Variants in EFR3B observed in about 807,000 individuals in gnomAD.
EFR3B encodes EFR3 homolog B, also known as protein EFR3 homolog B.
Under a neutral mutation model 104.7 loss-of-function variants are expected in EFR3B, and 64 were observed. The observed-to-expected ratio is 0.61, with a 90% CI of 0.50 to 0.75. The LOEUF (loss-of-function observed/expected upper bound fraction) is 0.75, where lower values mean the gene tolerates loss of function less well. Ranked by LOEUF, EFR3B falls within the 30% of genes least tolerant of loss-of-function variation. EFR3B has a pLI of 0.00. For synonymous variants in EFR3B, 385 were observed against 417.9 expected, an observed-to-expected ratio of 0.92 and a Z score of 0.96; for missense variants, 750 against 1,078.5, an observed-to-expected ratio of 0.70 and a Z score of 4.27.
chr2:25,064,466 C>T (rs1668278753), intron 1 of EFR3B, among the ~76,000 whole-genome samples: 1 of 152,190 alleles, frequency 6.6e-6, no homozygotes, highest in South Asian at 2.1e-4. Flanking sequence ...CTGCTGACCA[C>T]AATAGGAAAC....
intron 16 of EFR3B, among the ~76,000 whole-genome samples, chr2:25,140,778 C>A (rs1025799155): frequency 2.0e-5 from 3 of 152,100 alleles, no homozygotes; most frequent in African/African-American, 7.2e-5. Context: ...TGCAGCGGCT[C>A]AGCCTTAATC....
chr2:25,151,970 A>T lies in EFR3B; in HGVS notation c.2248A>T (p.Lys750Ter). ...ERERRRQVVE[K>*]FQKAPFEEIA... Reference sequence around the variant, plus strand: ...TGAGCGGCGGCGGCAGGTGGTGGAGAAGTTCCAGAAGGCACCCTTCGAGGA... The same window carrying T: ...TGAGCGGCGGCGGCAGGTGGTGGAGTAGTTCCAGAAGGCACCCTTCGAGGA... The change falls in exon 21 of 23, where the codon AAG becomes TAG. Residue 750 changes from lysine (K) to a stop codon, truncating the protein, a stop_gained. Coordinates refer to ENST00000403714, the MANE Select transcript of EFR3B (RefSeq NM_014971.2). LOFTEE classifies it high-confidence loss of function. The T allele has an allele frequency of 6.4e-7, 1 of 1,551,656 alleles. No homozygotes were observed. Among genetic ancestry groups the T allele is most frequent in the Non-Finnish European group, 8.7e-7 (1 of 1,146,982 alleles).
At chr2:25,096,773 CTGGTCT>C (rs1669290088) in intron 3 of EFR3B, among the ~76,000 whole-genome samples, 1 of 152,174 alleles carries the variant, frequency 6.6e-6, no homozygotes, top group Admixed American at 6.6e-5. Context: ...GAAGACGGAG[CTGGTCT>C]TGAACTACAG....
intron 3 of EFR3B, among the ~76,000 whole-genome samples, chr2:25,094,707 A>G (rs1669229916): frequency 6.6e-6 from 1 of 152,218 alleles, no homozygotes; most frequent in Admixed American, 6.5e-5. Flanking sequence ...CAAGAGCTTT[A>G]AAAACACTTA....
At chr2:25,077,807 A>G (rs1273263709) in intron 1 of EFR3B, among the ~76,000 whole-genome samples, 1 of 152,220 alleles carries the variant, frequency 6.6e-6, no homozygotes, top group African/African-American at 2.4e-5. Context: ...TTATAAATTT[A>G]TACCCATGAG....
chr2:25,103,025 C>A (rs776768913), intron 3 of EFR3B, among the ~76,000 whole-genome samples: 1 of 152,198 alleles, frequency 6.6e-6, no homozygotes, highest in Non-Finnish European at 1.5e-5. Flanking sequence ...GGTCCTCAGG[C>A]CTGTCTCAGA....
At position 25,103,724 on chromosome 2, in the gene EFR3B, C is replaced by T. The variant is rs531813494; in HGVS notation, c.300C>T (p.Leu100=). 1.1e-5 allele frequency: 17 copies of T among 1,551,722 alleles called. No homozygotes were observed. In the Middle Eastern group the frequency reaches 6.7e-4, roughly 61 times the overall value. ...QSINLFVESF[L]KMVAKLLESE... ...TCAACCTCTTCGTGGAGAGCTTCCTCAAGATGGTGGCCAAGCTGCTGGAGT... is the reference window on the plus strand; with the variant it reads ...TCAACCTCTTCGTGGAGAGCTTCCTTAAGATGGTGGCCAAGCTGCTGGAGT... Residue 100 remains leucine (L), a synonymous_variant, in exon 4 of 23, where the codon CTC becomes CTT. Transcript: ENST00000403714.
At chr2:25,077,909 T>C (rs1273203604) in intron 1 of EFR3B, among the ~76,000 whole-genome samples, 1 of 151,908 alleles carries the variant, frequency 6.6e-6, no homozygotes, top group African/African-American at 2.4e-5. Context: ...CATTGGAGGG[T>C]TGTTGATTTT....
chr2:25,118,755 A>AAAAAAAAC (rs1669934509), intron 4 of EFR3B, among the ~76,000 whole-genome samples: 1 of 148,772 alleles, frequency 6.7e-6, no homozygotes, highest in Non-Finnish European at 1.5e-5. Context: ...AAAAAAAAAA[A>AAAAAAAAC]AAAGGCAGGG....
In EFR3B at chr2:25,121,655, C is replaced by G. The variant is rs1307081445; in HGVS notation, c.364-18C>G. On this transcript the variant is annotated intron_variant, in intron 4 of 22. Transcript: ENST00000403714. ...TGGGTCACCTCTCTCGTGTGTTTCTCTCCTTCCTCCCTGATAGTTTGTGAA... is the reference window on the plus strand; with the variant it reads ...TGGGTCACCTCTCTCGTGTGTTTCTGTCCTTCCTCCCTGATAGTTTGTGAA... 2 of 1,551,658 alleles carry G rather than the reference C, an allele frequency of 1.3e-6. No individual in the cohort carries two copies. Among genetic ancestry groups the G allele is most frequent in the East Asian group, 2.4e-5 (1 of 40,920 alleles).
Position 25,137,274 on chromosome 2 carries a change from C to T in EFR3B, c.1561-67C>T, listed in dbSNP as rs781038797. ...GCCCCCCTTCAGATTGGTCTTCCTC[C>T]GTGTTCTCCTTGCCCCTCCTGTCCC... On this transcript the variant is annotated intron_variant, in intron 14 of 22. Transcript: ENST00000403714. This position sits in a 1 kb window ranked among gnomAD's most constrained non-coding sequence, Gnocchi z 4.7. 5.4e-5 allele frequency: 82 copies of T among 1,521,490 alleles called. No individual in the cohort carries two copies. The highest frequency in any genetic ancestry group is 7.0e-5 in the Non-Finnish European group (79 of 1,126,748). The allele number at this position is 1,521,490 out of a possible 1,614,324, so 94.2% of individuals were successfully genotyped here.
In EFR3B at chr2:25,121,795, G is replaced by A. The variant is rs1435707571; in HGVS notation, c.485+1G>A. On this transcript the variant is annotated splice_donor_variant, in intron 5 of 22. Transcript: ENST00000403714. LOFTEE classifies it high-confidence loss of function. Reference sequence around the variant, plus strand: ...ATGATGACTTAGAAATCAAGACCAAGTGAGTAGGGGAAGGCAAGGGTAGTT... The same window carrying A: ...ATGATGACTTAGAAATCAAGACCAAATGAGTAGGGGAAGGCAAGGGTAGTT... 1.3e-6 allele frequency: 2 copies of A among 1,551,842 alleles called. No homozygotes were observed. The highest frequency in any genetic ancestry group is 1.7e-6 in the Non-Finnish European group (2 of 1,147,018).
rs1671173538 is a variant in EFR3B at position 25,156,457 on chromosome 2, C to G, written c.*2117C>G. On this transcript the variant is annotated 3_prime_UTR_variant, in exon 23 of 23. Transcript: ENST00000403714. ...GGATTACAGGCGTGCACCACCACGC[C>G]TGGCGAATTTTGTGTTTTTAGTAGA... The G allele has an allele frequency of 6.6e-6, 1 of 152,100 alleles. No homozygotes were observed. Among genetic ancestry groups the G allele is most frequent in the African/African-American group, 2.4e-5 (1 of 41,392 alleles). 9.4% of individuals were successfully genotyped at this position (152,100 alleles called of 1,614,324 possible).
chr2:25,083,894 C>T (rs1668877055), intron 1 of EFR3B, among the ~76,000 whole-genome samples: 1 of 152,170 alleles, frequency 6.6e-6, no homozygotes, highest in Non-Finnish European at 1.5e-5. Flanking sequence ...AACCAGATCC[C>T]CAAGGGACAC....
chr2:25,071,768 T>C (rs546158703), intron 1 of EFR3B, among the ~76,000 whole-genome samples: 97 of 152,374 alleles, frequency 6.4e-4, no homozygotes, highest in African/African-American at 2.3e-3. Context: ...AGGTTTGCAC[T>C]TAATCGATAC....
Position 25,154,520 on chromosome 2 carries a change from C to A in EFR3B, c.*180C>A. The stretch of plus-strand genomic sequence containing the variant: ...GTCCTTCTTGGCCCTCCTACCTCCT[C>A]CTCGTCTTCCCTGAGGGAGGTCTCA... On this transcript the variant is annotated 3_prime_UTR_variant, in exon 23 of 23. Transcript: ENST00000403714. This position sits in a 1 kb window ranked among gnomAD's most constrained non-coding sequence, Gnocchi z 4.1. 1 of 582,960 alleles carries A rather than the reference C, an allele frequency of 1.7e-6. No individual in the cohort carries two copies. The highest frequency in any genetic ancestry group is 2.2e-5 in the South Asian group (1 of 45,068). 36.1% of individuals were successfully genotyped at this position (582,960 alleles called of 1,614,324 possible). A position where few individuals can be genotyped will look rare whatever the true frequency, so the allele number is the denominator to read the frequency against.
Position 25,136,723 on chromosome 2 carries a change from C to A in EFR3B, c.1560+125C>A. Reference sequence around the variant, plus strand: ...TTGAGGTGGGGAGCTCGAGACCAGCCAGACCAACATGGTAAAATCCCATCT... The same window carrying A: ...TTGAGGTGGGGAGCTCGAGACCAGCAAGACCAACATGGTAAAATCCCATCT... On this transcript the variant is annotated intron_variant, in intron 14 of 22. Transcript: ENST00000403714. This position sits in a 1 kb window ranked among gnomAD's most constrained non-coding sequence, Gnocchi z 4.0. The A allele has an allele frequency of 1.3e-6, 1 of 742,628 alleles. No homozygotes were observed. Among genetic ancestry groups the A allele is most frequent in the Non-Finnish European group, 2.2e-6 (1 of 448,288 alleles). 46.0% of individuals were successfully genotyped at this position (742,628 alleles called of 1,614,324 possible). A position where few individuals can be genotyped will look rare whatever the true frequency, so the allele number is the denominator to read the frequency against.
chr2:25,142,477 A>C lies in EFR3B; in HGVS notation c.1922+1044A>C, dbSNP rs541180700. Among the ~76,000 whole-genome samples the C allele has an allele frequency of 9.3e-5, 14 of 150,082 alleles. No individual in the cohort carries two copies. The South Asian group carries it at 2.1e-3, about 23-fold the overall frequency. The stretch of plus-strand genomic sequence containing the variant: ...AAAAAAAAAAAAAATTAGGCCGGTC[A>C]CAGTGGCTTATGCCTATGTAATCCC... On this transcript the variant is annotated intron_variant, in intron 17 of 22. Transcript: ENST00000403714.
At chr2:25,079,305 T>A (rs1014918515) in intron 1 of EFR3B, among the ~76,000 whole-genome samples, 1 of 152,212 alleles carries the variant, frequency 6.6e-6, no homozygotes, top group Admixed American at 6.5e-5. Context: ...GCAAGGTGGC[T>A]GTGGCGAAGG....
Sources: allele counts gnomAD v4.1 joint callset (sites outside exome capture counted in the v4.1 genomes callset), GRCh38; gene constraint gnomAD v4.1.1; non-coding constraint Gnocchi (gnomAD v3.1); transcripts MANE v1.5; gene names NCBI Gene and HGNC (gene_info 2026-07-23, HGNC 2026-07-21).